The following PRKCE variants were observed in gnomAD, a reference collection of about 807,000 sequenced individuals.
PRKCE encodes the protein protein kinase C epsilon type.
In PRKCE, 16 loss-of-function variants were observed where a neutral mutation model predicts 85.4. The ratio of observed to expected loss-of-function variants is 0.19; its 90% confidence interval spans 0.13 to 0.28. The LOEUF (loss-of-function observed/expected upper bound fraction) is 0.28, where lower values mean the gene tolerates loss of function less well. PRKCE is among the 10% of genes least tolerant of loss of function. PRKCE has a pLI of 1.00. For synonymous variants in PRKCE, 388 were observed against 371.5 expected (o/e 1.04, Z -0.51); for missense variants, 573 against 975.2 (o/e 0.59, Z 5.49).
At chr2:45,675,092 C>G (rs1212908061) in intron 1 of PRKCE, among the ~76,000 whole-genome samples, 1 of 152,138 alleles carries the variant, frequency 6.6e-6, no homozygotes, top group Non-Finnish European at 1.5e-5. Context: ...GTTTCCAAGC[C>G]TGGCTGACCA....
At chr2:46,153,138 G>T (rs1462750060) in intron 13 of PRKCE, among the ~76,000 whole-genome samples, 1 of 151,934 alleles carries the variant, frequency 6.6e-6, no homozygotes, top group Non-Finnish European at 1.5e-5. Context: ...GTGAGACCTG[G>T]TCTCTGCCTT....
chr2:46,130,408 T>C (rs1225448248), intron 11 of PRKCE, among the ~76,000 whole-genome samples: 1 of 151,860 alleles, frequency 6.6e-6, no homozygotes, highest in African/African-American at 2.4e-5. Context: ...TATAGTATGA[T>C]TAATATAACA....
chr2:45,910,401 G>A (rs1697299856), intron 2 of PRKCE, among the ~76,000 whole-genome samples: 1 of 152,190 alleles, frequency 6.6e-6, no homozygotes. Flanking sequence ...ATCCAGTGGG[G>A]AGACATCCGT....
At chr2:45,820,408 G>T (rs76517825) in intron 1 of PRKCE, among the ~76,000 whole-genome samples, 3,783 of 152,112 alleles carry the variant, frequency 0.025, 81 homozygotes, top group East Asian at 0.11. Context: ...ATTTTATTTG[G>T]AGGGGGAGAG....
At chr2:45,663,022 G>A (rs182232591) in intron 1 of PRKCE, among the ~76,000 whole-genome samples, 20 of 152,252 alleles carry the variant, frequency 1.3e-4, no homozygotes, top group Admixed American at 1.2e-3. Flanking sequence ...ATTGACCAGC[G>A]TTTGCCAGAT....
At chr2:45,703,535 C>A (rs2104274071) in intron 1 of PRKCE, among the ~76,000 whole-genome samples, 1 of 137,520 alleles carries the variant, frequency 7.3e-6, no homozygotes, top group African/African-American at 2.5e-5. Flanking sequence ...GAGACCTTGT[C>A]TCTAAAAAAA....
chr2:45,937,217 TA>T lies in PRKCE; in HGVS notation c.413-39203del, dbSNP rs902308672. 7.3e-5 allele frequency among the ~76,000 whole-genome samples: 11 copies of T among 151,682 alleles called. No homozygotes were observed. In the East Asian group the frequency reaches 1.2e-3, roughly 16 times the overall value. ...TTAAATAAAAATAATTGCACTTAAATAAAAAAAAATTGGGGAGATTATAGCA... is the reference window on the plus strand; with the variant it reads ...TTAAATAAAAATAATTGCACTTAAATAAAAAAAATTGGGGAGATTATAGCA... On this transcript the variant is annotated intron_variant, in intron 2 of 14. Coordinates refer to ENST00000306156, the MANE Select transcript of PRKCE (RefSeq NM_005400.3).
In PRKCE at chr2:46,146,997, G is replaced by A. The variant is rs1189982362; in HGVS notation, c.1731+1766G>A. On this transcript the variant is annotated intron_variant, in intron 12 of 14. Coordinates refer to ENST00000306156, the MANE Select transcript of PRKCE (RefSeq NM_005400.3). The stretch of plus-strand genomic sequence containing the variant: ...CATCCCAGGAAGAAGGAAGGCCACA[G>A]CTGTGCAGATCAGAAGGCAGGGAGT... 2.6e-5 allele frequency among the ~76,000 whole-genome samples: 4 copies of A among 152,216 alleles called. No homozygotes were observed. In the East Asian group the frequency reaches 7.7e-4, roughly 29 times the overall value.
intron 2 of PRKCE, among the ~76,000 whole-genome samples, chr2:45,849,182 CCTTCTGGGTGTGA>C (rs1692042707): frequency 6.6e-6 from 1 of 152,142 alleles, no homozygotes; most frequent in Admixed American, 6.5e-5. Flanking sequence ...GAAGGCAGTT[CCTTCTGGGTGTGA>C]CTTCTGGGTC....
At chr2:46,100,876 C>CTTCTT (rs1244638387) in intron 11 of PRKCE, among the ~76,000 whole-genome samples, 47 of 151,828 alleles carry the variant, frequency 3.1e-4, no homozygotes, top group Non-Finnish European at 4.4e-4. Flanking sequence ...CTTCTCTTCT[C>CTTCTT]TTCTCTTTTC....
At position 45,805,592 on chromosome 2, in the gene PRKCE, T is replaced by A. The variant is rs184861784; in HGVS notation, c.349-37408T>A. ...TGCTAAGTATTTGCATACATTACCTTCCTCTTTTTTTTTTTTTTTGTTAGA... is the reference window on the plus strand; with the variant it reads ...TGCTAAGTATTTGCATACATTACCTACCTCTTTTTTTTTTTTTTTGTTAGA... On this transcript the variant is annotated intron_variant, in intron 1 of 14. Transcript: ENST00000306156. Among the ~76,000 whole-genome samples the A allele has an allele frequency of 9.5e-4, 131 of 138,496 alleles. 1 individual carries two copies. The highest frequency in any genetic ancestry group is 5.2e-3 in the Admixed American group (72 of 13,726). The allele number at this position is 138,496 out of a possible 152,430, so 90.9% of individuals were successfully genotyped here. A position where few individuals can be genotyped will look rare whatever the true frequency, so the allele number is the denominator to read the frequency against.
chr2:45,882,974 A>C (rs1694990550), intron 2 of PRKCE, among the ~76,000 whole-genome samples: 1 of 152,246 alleles, frequency 6.6e-6, no homozygotes, highest in African/African-American at 2.4e-5. Flanking sequence ...AGCTGGACTG[A>C]AACCACACTC....
chr2:45,672,290 CCATT>C (rs2103840881), intron 1 of PRKCE, among the ~76,000 whole-genome samples: 1 of 151,986 alleles, frequency 6.6e-6, no homozygotes, highest in Admixed American at 6.5e-5. Context: ...ACCCACCCAT[CCATT>C]CATCCATCTC....
intron 10 of PRKCE, among the ~76,000 whole-genome samples, chr2:46,027,557 T>C (rs1006628174): frequency 5.3e-5 from 8 of 151,918 alleles, no homozygotes; most frequent in African/African-American, 1.7e-4. Context: ...CATTCGTAGG[T>C]ATATTTTACA....
chr2:45,931,851 C>T (rs116704612), intron 2 of PRKCE, among the ~76,000 whole-genome samples: 3,427 of 152,130 alleles, frequency 0.023, 54 homozygotes, highest in Non-Finnish European at 0.033. Flanking sequence ...GGACTACAGG[C>T]ACCTGCTGCC....
At chr2:46,165,455 G>A (rs1678246579) in intron 14 of PRKCE, among the ~76,000 whole-genome samples, 1 of 152,212 alleles carries the variant, frequency 6.6e-6, no homozygotes, top group Admixed American at 6.5e-5. Context: ...AGCACTGAGG[G>A]GTTGGGGAGA....
In PRKCE at chr2:45,811,215, G is replaced by A. The variant is rs78451029; in HGVS notation, c.349-31785G>A. Among the ~76,000 whole-genome samples the A allele has an allele frequency of 9.0e-3, 1,364 of 152,292 alleles. 32 individuals are homozygous for A. Among genetic ancestry groups the A allele is most frequent in the East Asian group, 0.086 (443 of 5,180 alleles). ...GCCATCATCTCTAGTTCCTGCTGTA[G>A]CATTGCTCTTAATAGCAAGCAATGA... On this transcript the variant is annotated intron_variant, in intron 1 of 14. Coordinates refer to ENST00000306156, the MANE Select transcript of PRKCE (RefSeq NM_005400.3).
intron 1 of PRKCE, among the ~76,000 whole-genome samples, chr2:45,792,948 G>A (rs992151130): frequency 1.3e-5 from 2 of 152,108 alleles, no homozygotes; most frequent in Non-Finnish European, 2.9e-5. Flanking sequence ...ACAGGCACCC[G>A]CCACCACTTC....
rs59018550 is a variant in PRKCE at position 46,104,296 on chromosome 2, C to CTTTTTTTTT, written c.1592+17944_1592+17952dup. Reference sequence around the variant, plus strand: ...CTATCTTGAAACCCTTCACCTTGTACTTTTTTTTTTTTTTTTTTGCCATAT... The same window carrying CTTTTTTTTT: ...CTATCTTGAAACCCTTCACCTTGTACTTTTTTTTTTTTTTTTTTTTTTTTTTTGCCATAT... On this transcript the variant is annotated intron_variant, in intron 11 of 14. Coordinates refer to ENST00000306156, the MANE Select transcript of PRKCE (RefSeq NM_005400.3). Among the ~76,000 whole-genome samples the CTTTTTTTTT allele has an allele frequency of 1.3e-3, 151 of 118,486 alleles. 3 individuals are homozygous for CTTTTTTTTT. The highest frequency in any genetic ancestry group is 4.6e-3 in the African/African-American group (142 of 30,984). The allele number at this position is 118,486 out of a possible 152,430, so 77.7% of individuals were successfully genotyped here.
Sources: allele counts gnomAD v4.1 joint callset (sites outside exome capture counted in the v4.1 genomes callset), GRCh38; gene constraint gnomAD v4.1.1; transcripts MANE v1.5; gene names NCBI Gene and HGNC (gene_info 2026-07-23, HGNC 2026-07-21).